The following VPS8 variants were observed in gnomAD, a reference collection of about 807,000 sequenced individuals.
VPS8 encodes the protein VPS8 subunit of CORVET complex.
A neutral mutation model predicts 216.4 loss-of-function variants in VPS8; 129 were observed. The observed-to-expected ratio is 0.60, with a 90% CI of 0.52 to 0.69. The LOEUF is 0.69. Among genes scored for constraint, VPS8 ranks in the 30% least tolerant of loss-of-function variants. VPS8 has a pLI of 0.00. For synonymous variants in VPS8, 571 were observed against 565.4 expected, an observed-to-expected ratio of 1.01 and a Z score of -0.14; for missense variants, 1,531 against 1,683.5, an observed-to-expected ratio of 0.91 and a Z score of 1.59.
At position 185,044,079 on chromosome 3, in the gene VPS8, A is replaced by G. The variant is rs548895313; in HGVS notation, c.4057-4400A>G. Among the ~76,000 whole-genome samples, 199 of 152,338 alleles carry G rather than the reference A, an allele frequency of 1.3e-3. 3 individuals carry two copies. The highest frequency in any genetic ancestry group is 0.013 in the Admixed American group (194 of 15,300). On this transcript the variant is annotated intron_variant, in intron 46 of 47. Coordinates refer to ENST00000625842, the MANE Select transcript of VPS8 (RefSeq NM_001009921.3). ...GTGGCATGCATCTGTAATCCCAGCT[A>G]CTTGGGAGGCTGAGACAGGAGAATC... is the stretch of plus-strand genomic sequence containing the variant.
At chr3:184,937,512 C>T (rs1267259255) in intron 35 of VPS8, among the ~76,000 whole-genome samples, 38 of 152,194 alleles carry the variant, frequency 2.5e-4, no homozygotes, top group Admixed American at 2.5e-3. Context: ...TAAATTTTTC[C>T]TCTAGAACAG....
chr3:184,975,038 G>A (rs538768506), intron 40 of VPS8, among the ~76,000 whole-genome samples: 14 of 152,012 alleles, frequency 9.2e-5, no homozygotes, highest in South Asian at 4.2e-4. Context: ...TTTGCCATTC[G>A]GGATTTTTTG....
At chr3:184,941,418 CTTT>C (rs560431751) in intron 36 of VPS8, among the ~76,000 whole-genome samples, 1 of 135,534 alleles carries the variant, frequency 7.4e-6, no homozygotes, top group African/African-American at 2.7e-5. Flanking sequence ...GGTAGACATC[CTTT>C]TTTTTTTTTT....
intron 39 of VPS8, among the ~76,000 whole-genome samples, chr3:184,968,980 T>C (rs1191596190): frequency 6.6e-6 from 1 of 152,234 alleles, no homozygotes; most frequent in Non-Finnish European, 1.5e-5. Flanking sequence ...TCAGTGAACA[T>C]TTGATTGACT....
chr3:184,869,111 T>A (rs987378489), intron 19 of VPS8, 75 bp downstream of exon 19: 1 of 1,342,784 alleles, frequency 7.4e-7, no homozygotes, highest in African/African-American at 1.5e-5. Flanking sequence ...TAACCACTCA[T>A]AGGACACTTT....
intron 26 of VPS8, among the ~76,000 whole-genome samples, chr3:184,913,901 G>GA (rs1294369820): frequency 1.3e-5 from 2 of 152,244 alleles, no homozygotes; most frequent in Non-Finnish European, 2.9e-5. Context: ...CTGAGGTTGA[G>GA]AAACCTTGGT....
In VPS8 at chr3:184,915,374, G is replaced by T; in HGVS notation, c.2282G>T (p.Arg761Leu). The T allele has an allele frequency of 6.2e-7, 1 of 1,612,740 alleles. No homozygotes were observed. Among genetic ancestry groups the T allele is most frequent in the Non-Finnish European group, 8.5e-7 (1 of 1,179,432 alleles). Residue 761 changes from arginine to leucine, a missense_variant, in exon 28 of 48, where the codon CGC becomes CTC. Coordinates refer to ENST00000625842, the MANE Select transcript of VPS8 (RefSeq NM_001009921.3). The part of the protein sequence containing the change: ...VKNQVFEFLI[R>L]LHSAEASPEE... ...TTGCAGGTTTTTGAATTTCTAATTC[G>T]CCTGCATTCAGCAGAGGCTTCTCCT...
intron 43 of VPS8, 108 bp from the exon 44 acceptor site, chr3:184,996,224 A>T: frequency 7.8e-7 from 1 of 1,274,510 alleles, no homozygotes; most frequent in Non-Finnish European, 1.1e-6. Context: ...TTTCAATTTT[A>T]GCTGTTGGTA....
At chr3:184,947,287 T>C (rs1743857695) in intron 36 of VPS8, among the ~76,000 whole-genome samples, 1 of 152,186 alleles carries the variant, frequency 6.6e-6, no homozygotes, top group Admixed American at 6.5e-5. Flanking sequence ...TGTATTTTGA[T>C]TGTTCTGTGC....
chr3:184,951,598 G>A (rs1744713636), intron 36 of VPS8, among the ~76,000 whole-genome samples: 1 of 152,160 alleles, frequency 6.6e-6, no homozygotes, highest in South Asian at 2.1e-4. Context: ...CACAATCTGA[G>A]TAAGAGTGGA....
intron 1 of VPS8, 64 bp from the exon 2 acceptor site, chr3:184,824,481 G>A (rs909471379): frequency 1.2e-6 from 1 of 813,116 alleles, no homozygotes; most frequent in Non-Finnish European, 1.9e-6. Flanking sequence ...ATGTCCAATT[G>A]ACAAGGAGGA....
At chr3:184,884,581 A>G (rs573156720) in intron 21 of VPS8, among the ~76,000 whole-genome samples, 1 of 152,338 alleles carries the variant, frequency 6.6e-6, no homozygotes, top group South Asian at 2.1e-4. Flanking sequence ...CCAGGCTAAG[A>G]CAGACAAACT....
intron 46 of VPS8, among the ~76,000 whole-genome samples, chr3:185,043,475 A>T (rs915258085): frequency 6.6e-6 from 1 of 152,166 alleles, no homozygotes; most frequent in Admixed American, 6.5e-5. Context: ...GACAACTGAT[A>T]TGAGGGATAT....
chr3:184,860,134 A>G lies in VPS8; in HGVS notation c.1224+69A>G, dbSNP rs568061043. 1.1e-4 allele frequency: 134 copies of G among 1,259,996 alleles called. No individual in the cohort carries two copies. In the African/African-American group the frequency reaches 1.8e-3, roughly 17 times the overall value. The allele number at this position is 1,259,996 out of a possible 1,614,324, so 78.1% of individuals were successfully genotyped here. On this transcript the variant is annotated intron_variant, in intron 15 of 47. Transcript: ENST00000625842. ...TTGTTCTGAATCTATGATATATTAAAGCTACCAGGATTTCTGCCAAGAATT... is the reference window on the plus strand; with the variant it reads ...TTGTTCTGAATCTATGATATATTAAGGCTACCAGGATTTCTGCCAAGAATT...
intron 15 of VPS8, 130 bp downstream of exon 15, chr3:184,860,195 G>A (rs569914901): frequency 5.9e-5 from 47 of 802,302 alleles, no homozygotes; most frequent in South Asian, 1.2e-4. Context: ...TGGACAGTCC[G>A]GCACCGAGGC....
chr3:184,929,475 C>A, intron 32 of VPS8, 105 bp from the exon 33 acceptor site: 1 of 678,012 alleles, frequency 1.5e-6, no homozygotes, highest in Non-Finnish European at 2.6e-6. Context: ...TAAGCATGAG[C>A]CAGGACACCT....
At chr3:184,838,161 A>T (rs1721473245) in intron 5 of VPS8, among the ~76,000 whole-genome samples, 2 of 152,328 alleles carry the variant, frequency 1.3e-5, no homozygotes, top group South Asian at 4.1e-4. Context: ...CAGAAAAGTT[A>T]GGTGACTTTT....
chr3:184,842,135 C>T lies in VPS8; in HGVS notation c.536-1105C>T, dbSNP rs534469491. 4.4e-5 allele frequency among the ~76,000 whole-genome samples: 6 copies of T among 137,186 alleles called. No homozygotes were observed. In the East Asian group the frequency reaches 6.7e-4, roughly 15 times the overall value. The allele number at this position is 137,186 out of a possible 152,430, so 90.0% of individuals were successfully genotyped here. A position where few individuals can be genotyped will look rare whatever the true frequency, so the allele number is the denominator to read the frequency against. On this transcript the variant is annotated intron_variant, in intron 7 of 47. Transcript: ENST00000625842. Reference sequence around the variant, plus strand: ...CCGGGAGGCGGAGCTTGCAGTGAGCCGAGATCGCGCCACTGCACTCCAGCC... The same window carrying T: ...CCGGGAGGCGGAGCTTGCAGTGAGCTGAGATCGCGCCACTGCACTCCAGCC...
chr3:184,961,860 A>C (rs1247802531), intron 37 of VPS8, among the ~76,000 whole-genome samples: 1 of 151,734 alleles, frequency 6.6e-6, no homozygotes, highest in Non-Finnish European at 1.5e-5. Flanking sequence ...TCCACCTCCC[A>C]GATTCAAGTG....
Sources: gnomAD v4.1 joint callset for allele counts (sites outside exome capture counted in the v4.1 genomes callset) on GRCh38, gnomAD v4.1.1 for gene constraint, MANE v1.5 for transcripts, NCBI Gene and HGNC (gene_info 2026-07-23, HGNC 2026-07-21) for gene names.